The following TOM1L2 variants were observed in gnomAD, a reference collection of about 807,000 sequenced individuals.
TOM1L2 encodes target of myb1 like 2 membrane trafficking protein.
A neutral mutation model predicts 67.9 loss-of-function variants in TOM1L2; 31 were observed. The ratio of observed to expected loss-of-function variants is 0.46; its 90% CI spans 0.34 to 0.62. The LOEUF is 0.62. Ranked by LOEUF, TOM1L2 falls within the 20% of genes least tolerant of loss-of-function variation. TOM1L2 has a pLI of 0.01. For synonymous variants in TOM1L2, 256 were observed against 254.0 expected, an observed-to-expected ratio of 1.01 and a Z score of -0.07; for missense variants, 606 against 663.5, an observed-to-expected ratio of 0.91 and a Z score of 0.95.
chr17:17,972,202 C>T, intron 1 of TOM1L2, 60 bp downstream of exon 1: 2 of 1,544,730 alleles, frequency 1.3e-6, no homozygotes, highest in Non-Finnish European at 1.7e-6. Context: ...GGCCCGCGGT[C>T]CTCACCAGCC....
intron 2 of TOM1L2, among the ~76,000 whole-genome samples, chr17:17,903,561 C>G (rs943694161): frequency 6.7e-6 from 1 of 148,600 alleles, no homozygotes; most frequent in African/African-American, 2.5e-5. Context: ...TGCAGTGAGC[C>G]GAGATCGCGC....
At chr17:17,882,603 C>A in intron 6 of TOM1L2, 102 bp downstream of exon 6, 1 of 1,496,306 alleles carries the variant, frequency 6.7e-7, no homozygotes, top group Admixed American at 1.8e-5. Flanking sequence ...GTCCCTAACA[C>A]CCAGCACAAT....
At chr17:17,887,485 C>T (rs1020059108) in intron 4 of TOM1L2, among the ~76,000 whole-genome samples, 4 of 152,152 alleles carry the variant, frequency 2.6e-5, no homozygotes, top group Admixed American at 6.5e-5. Context: ...GGACATGCCT[C>T]AATAATTGGG....
At chr17:17,847,860 GC>G in intron 14 of TOM1L2, 77 bp from the exon 15 acceptor site, 2 of 1,595,862 alleles carry the variant, frequency 1.3e-6, no homozygotes, top group Non-Finnish European at 1.7e-6. Context: ...CCACTCCCCA[GC>G]CCGTTTCCTC....
intron 1 of TOM1L2, among the ~76,000 whole-genome samples, chr17:17,913,619 G>A (rs2144522807): frequency 6.6e-6 from 1 of 152,300 alleles, no homozygotes; most frequent in South Asian, 2.1e-4. Flanking sequence ...TCTGCAAAAT[G>A]AAAAGAAAGA....
Position 17,972,375 on chromosome 17 carries a change from C to T in TOM1L2, c.-62G>A. 1 of 1,545,738 alleles carries T rather than the reference C, an allele frequency of 6.5e-7. No individual in the cohort carries two copies. The highest frequency in any genetic ancestry group is 8.7e-7 in the Non-Finnish European group (1 of 1,144,452). ...TCTGCCACCTAGGCCTCCGCTGTAA[C>T]CCGCCGGACTCCCGTCCTGACTGAC... On this transcript the variant is annotated 5_prime_UTR_variant, in exon 1 of 15. Transcript: ENST00000379504.
intron 2 of TOM1L2, among the ~76,000 whole-genome samples, chr17:17,899,415 T>C (rs1330455226): frequency 1.3e-5 from 2 of 152,226 alleles, no homozygotes; most frequent in Non-Finnish European, 2.9e-5. Context: ...TGCAGAATTA[T>C]AGACAGTACT....
At chr17:17,966,632 T>TG (rs2041881266) in intron 1 of TOM1L2, among the ~76,000 whole-genome samples, 1 of 152,198 alleles carries the variant, frequency 6.6e-6, no homozygotes, top group African/African-American at 2.4e-5. Flanking sequence ...GTAACATAAA[T>TG]GGCAGCACAG....
chr17:17,867,195 C>A (rs891954705), intron 8 of TOM1L2, among the ~76,000 whole-genome samples: 10 of 146,304 alleles, frequency 6.8e-5, no homozygotes, highest in Non-Finnish European at 1.5e-4. Flanking sequence ...GTGTCCCCAG[C>A]CTCTCCTCAC....
chr17:17,913,183 G>C (rs1289369900), intron 1 of TOM1L2, among the ~76,000 whole-genome samples: 1 of 151,064 alleles, frequency 6.6e-6, no homozygotes, highest in Admixed American at 6.6e-5. Context: ...CGTGGAAACA[G>C]AGGGAGAGGG....
rs539522714 is a variant in TOM1L2 at position 17,965,336 on chromosome 17, CT to C, written c.52+6925del. 1.2e-4 allele frequency among the ~76,000 whole-genome samples: 19 copies of C among 152,308 alleles called. No homozygotes were observed. In the South Asian group the frequency reaches 3.5e-3, roughly 28 times the overall value. ...TATCCTCCCTTCCCAGTCTCACCCC[CT>C]ATCACTCCCCTTTGCTAGGCACACA... On this transcript the variant is annotated intron_variant, in intron 1 of 14. Transcript: ENST00000379504.
intron 7 of TOM1L2, among the ~76,000 whole-genome samples, chr17:17,872,642 G>T (rs2037209939): frequency 6.6e-6 from 1 of 152,230 alleles, no homozygotes; most frequent in Admixed American, 6.5e-5. Flanking sequence ...TCCTCCCCAG[G>T]GATGTGGACG....
chr17:17,848,440 C>G (rs71367417), intron 14 of TOM1L2, among the ~76,000 whole-genome samples: 2 of 152,172 alleles, frequency 1.3e-5, no homozygotes, highest in Non-Finnish European at 2.9e-5. Flanking sequence ...AGCCCATCAG[C>G]TGAGGCCCAG....
chr17:17,949,782 C>T (rs2144881077), intron 1 of TOM1L2, among the ~76,000 whole-genome samples: 1 of 152,356 alleles, frequency 6.6e-6, no homozygotes, highest in South Asian at 2.1e-4. Flanking sequence ...GCCTGCAGAT[C>T]ACCAGTGGGC....
At chr17:17,907,268 A>G (rs1323453792) in intron 2 of TOM1L2, among the ~76,000 whole-genome samples, 179 bp downstream of exon 2, 1 of 152,268 alleles carries the variant, frequency 6.6e-6, no homozygotes, top group East Asian at 1.9e-4. Flanking sequence ...CCATTGGGCA[A>G]GTGGGGGAGG....
intron 7 of TOM1L2, among the ~76,000 whole-genome samples, chr17:17,870,663 C>G (rs762433168): frequency 2.0e-5 from 3 of 152,208 alleles, no homozygotes; most frequent in Non-Finnish European, 4.4e-5. Flanking sequence ...GATTTATTCA[C>G]AGGAGACACG....
chr17:17,936,857 C>T (rs2040535077), intron 1 of TOM1L2, among the ~76,000 whole-genome samples: 1 of 152,102 alleles, frequency 6.6e-6, no homozygotes, highest in Non-Finnish European at 1.5e-5. Context: ...AAATTTTTCT[C>T]TACTTCTCTA....
At chr17:17,861,416 C>T in intron 12 of TOM1L2, 60 bp downstream of exon 12, 3 of 1,556,678 alleles carry the variant, frequency 1.9e-6, no homozygotes, top group Non-Finnish European at 2.7e-6. Flanking sequence ...CCAGCTTTGC[C>T]AAACCACCTG....
intron 1 of TOM1L2, among the ~76,000 whole-genome samples, chr17:17,958,460 GACTA>G (rs766289206): frequency 2.0e-5 from 3 of 152,308 alleles, no homozygotes; most frequent in South Asian, 2.1e-4. Context: ...AAAAACAGGA[GACTA>G]ACTTTCAAAC....
Sources: gnomAD v4.1 joint callset for allele counts (sites outside exome capture counted in the v4.1 genomes callset) on GRCh38, gnomAD v4.1.1 for gene constraint, MANE v1.5 for transcripts, NCBI Gene and HGNC (gene_info 2026-07-23, HGNC 2026-07-21) for gene names.